The following CPLANE1 variants were observed in gnomAD, a reference collection of about 807,000 sequenced individuals.
The protein encoded by CPLANE1 is ciliogenesis and planar polarity effector 1.
A neutral mutation model predicts 362.5 loss-of-function variants in CPLANE1; 263 were observed. The observed-to-expected ratio is 0.73, with a 90% CI of 0.66 to 0.80. The LOEUF is 0.80. CPLANE1 is among the 30% of genes least tolerant of loss of function. CPLANE1 has a pLI of 0.00. For missense variants in CPLANE1, 3,461 were observed against 3,793.4 expected, an observed-to-expected ratio of 0.91 and a Z score of 2.30; for synonymous variants, 1,212 against 1,302.6, an observed-to-expected ratio of 0.93 and a Z score of 1.50.
At position 37,139,351 on chromosome 5, in the gene CPLANE1, T is replaced by C; in HGVS notation, c.8652A>G (p.Glu2884=). The C allele has an allele frequency of 7.8e-7, 1 of 1,274,016 alleles. No homozygotes were observed. Among genetic ancestry groups the C allele is most frequent in the Admixed American group, 2.5e-5 (1 of 39,498 alleles). The allele number at this position is 1,274,016 out of a possible 1,614,324, so 78.9% of individuals were successfully genotyped here. A position where few individuals can be genotyped will look rare whatever the true frequency, so the allele number is the denominator to read the frequency against. The change falls in exon 45 of 53, where the codon GAA becomes GAG. Residue 2884 remains glutamate, a synonymous_variant. Coordinates refer to ENST00000651892, the MANE Select transcript of CPLANE1 (RefSeq NM_001384732.1). The part of the protein sequence containing the change: ...TTSPGMNSSD[E]LCESVSVHPL... The stretch of plus-strand genomic sequence containing the variant: ...CTTAAGATATTTACCTCTCACACAA[T>C]TCATCACTGCTATTCATACCTAAAA...
At chr5:37,232,198 G>A (rs1797867994) in intron 8 of CPLANE1, among the ~76,000 whole-genome samples, 1 of 152,110 alleles carries the variant, frequency 6.6e-6, no homozygotes, top group Admixed American at 6.6e-5. Flanking sequence ...CAGATGTACA[G>A]GATACATATG....
At position 37,168,970 on chromosome 5, in the gene CPLANE1, A is replaced by AT; in HGVS notation, c.7053dup (p.Ser2352IlefsTer16). On this transcript the variant is annotated frameshift_variant, in exon 34 of 53. Coordinates refer to ENST00000651892, the MANE Select transcript of CPLANE1 (RefSeq NM_001384732.1). LOFTEE classifies it high-confidence loss of function. The stretch of plus-strand genomic sequence containing the variant: ...GGAAGTCCAAAGGAATGGTGAGGAG[A>AT]TATCTCAAGGGTCCCTGGCTTAACA... The AT allele has an allele frequency of 1.2e-6, 2 of 1,614,178 alleles. No homozygotes were observed. Among genetic ancestry groups the AT allele is most frequent in the Non-Finnish European group, 1.7e-6 (2 of 1,180,032 alleles).
chr5:37,157,732 T>G lies in CPLANE1; in HGVS notation c.7949A>C (p.Glu2650Ala). The G allele has an allele frequency of 6.2e-7, 1 of 1,613,980 alleles. No homozygotes were observed. Among genetic ancestry groups the G allele is most frequent in the Non-Finnish European group, 8.5e-7 (1 of 1,179,944 alleles). Reference protein sequence around the residue: ...SDHLAVPSSAELHYMAASVTN... With the variant: ...SDHLAVPSSAALHYMAASVTN... Reference sequence around the variant, plus strand: ...AACTGAAGCTGCCATATAATGTAACTCTGCAGACGATGGAACTGCTAGATG... The same window carrying G: ...AACTGAAGCTGCCATATAATGTAACGCTGCAGACGATGGAACTGCTAGATG... Residue 2650 changes from glutamate to alanine, a missense_variant, in exon 40 of 53, where the codon GAG (glutamate) becomes GCG (alanine). Around this residue, in one of 2 missense-constraint regions of CPLANE1, gnomAD observed 3,380 missense variants for 3,666.1 expected, o/e 0.92. Transcript: ENST00000651892.
At chr5:37,238,258 C>T (rs1439301088) in intron 8 of CPLANE1, among the ~76,000 whole-genome samples, 6 of 152,014 alleles carry the variant, frequency 3.9e-5, no homozygotes, top group Non-Finnish European at 8.8e-5. Flanking sequence ...TGGCAACCTC[C>T]GCCTCCTGGG....
chr5:37,158,766 C>T (rs2150732824), intron 38 of CPLANE1, among the ~76,000 whole-genome samples: 1 of 151,270 alleles, frequency 6.6e-6, no homozygotes, highest in East Asian at 1.9e-4. Flanking sequence ...TTTTTATTGA[C>T]AGCTTTATTG....
At chr5:37,133,712 T>C (rs1445440059) in intron 46 of CPLANE1, among the ~76,000 whole-genome samples, 1 of 152,204 alleles carries the variant, frequency 6.6e-6, no homozygotes, top group Admixed American at 6.5e-5. Flanking sequence ...AATCATACTG[T>C]CATAGAAAAG....
At chr5:37,135,161 C>T (rs1209441861) in intron 46 of CPLANE1, among the ~76,000 whole-genome samples, 1 of 152,142 alleles carries the variant, frequency 6.6e-6, no homozygotes, top group Non-Finnish European at 1.5e-5. Context: ...TCTTCGTTTT[C>T]ATTTATTTCA....
intron 47 of CPLANE1, among the ~76,000 whole-genome samples, chr5:37,124,131 C>A (rs746803173): frequency 6.6e-5 from 10 of 152,092 alleles, no homozygotes; most frequent in Non-Finnish European, 1.2e-4. Flanking sequence ...AACAATAGTT[C>A]ACCTACTTTT....
chr5:37,176,084 T>C, intron 30 of CPLANE1, 98 bp from the exon 31 acceptor site: 1 of 746,106 alleles, frequency 1.3e-6, no homozygotes, highest in Non-Finnish European at 2.3e-6. Context: ...AGTCTAAACA[T>C]CCTCTAATCT....
At chr5:37,087,241 A>C in the CPLANE1 span, among the ~76,000 whole-genome samples, 2 of 152,172 alleles carry the variant, frequency 1.3e-5, no homozygotes, top group African/African-American at 4.8e-5. Flanking sequence ...AACAGGTCCC[A>C]GCATCATCTT....
At chr5:37,184,087 G>C (rs1783356103) in intron 25 of CPLANE1, among the ~76,000 whole-genome samples, 1 of 152,126 alleles carries the variant, frequency 6.6e-6, no homozygotes, top group Non-Finnish European at 1.5e-5. Context: ...CAAAATTTAG[G>C]ATTTCTTGTT....
chr5:37,186,330 T>G lies in CPLANE1; in HGVS notation c.4145A>C (p.Lys1382Thr). 1 of 1,605,414 alleles carries G rather than the reference T, an allele frequency of 6.2e-7. No homozygotes were observed. Among genetic ancestry groups the G allele is most frequent in the Non-Finnish European group, 8.5e-7 (1 of 1,172,252 alleles). ...PEDVRVPLRD[K>T]YHSLHQRLRH... ...GAGTCTCTGGTGAAGAGAGTGATAT[T>G]TGTCTCTTAAAGGAACCCTCACGTC... Residue 1382 changes from lysine to threonine, a missense_variant, in exon 24 of 53, where the codon AAA becomes ACA. This residue lies in a region of CPLANE1 where 3,380 missense variants were observed against 3,666.1 expected (regional missense o/e 0.92). Coordinates refer to ENST00000651892, the MANE Select transcript of CPLANE1 (RefSeq NM_001384732.1).
intron 47 of CPLANE1, among the ~76,000 whole-genome samples, chr5:37,122,962 T>C (rs1763087423): frequency 1.3e-5 from 2 of 152,230 alleles, no homozygotes; most frequent in Admixed American, 1.3e-4. Flanking sequence ...TCAATTAATA[T>C]ATTTTATTGA....
intron 31 of CPLANE1, among the ~76,000 whole-genome samples, chr5:37,174,547 C>T (rs1269705241): frequency 6.6e-6 from 1 of 151,392 alleles, no homozygotes; most frequent in African/African-American, 2.4e-5. Flanking sequence ...AATTAAGGAT[C>T]AAAGCAAGGT....
chr5:37,232,014 G>A (rs1183780621), intron 8 of CPLANE1, among the ~76,000 whole-genome samples: 5 of 152,110 alleles, frequency 3.3e-5, no homozygotes, highest in Non-Finnish European at 5.9e-5. Flanking sequence ...AGAAAATGAA[G>A]AGGCAGGGCT....
In CPLANE1 at chr5:37,121,792, C is replaced by G; in HGVS notation, c.9018-8G>C. The G allele has an allele frequency of 6.2e-7, 1 of 1,607,750 alleles. No individual in the cohort carries two copies. Among genetic ancestry groups the G allele is most frequent in the South Asian group, 1.1e-5 (1 of 90,874 alleles). On this transcript the variant is annotated splice_polypyrimidine_tract_variant and splice_region_variant and intron_variant, in intron 48 of 52. Transcript: ENST00000651892. ...TGTTCAGAGAGCAGCAATCTGTAGA[C>G]AAAGAATTAAGCATCATTTATTAAG...
chr5:37,227,572 G>A lies in CPLANE1; in HGVS notation c.1367C>T (p.Ser456Phe). The change falls in exon 10 of 53, where the codon TCT (serine) becomes TTT (phenylalanine). Residue 456 changes from serine to phenylalanine, a missense_variant. Physicochemically the swap from Ser to Phe is radical, Grantham distance 155. Around this residue, in one of 2 missense-constraint regions of CPLANE1, gnomAD observed 3,380 missense variants for 3,666.1 expected, o/e 0.92. Coordinates refer to ENST00000651892, the MANE Select transcript of CPLANE1 (RefSeq NM_001384732.1). ...LEKIYQSVIL[S>F]KPKGKGLNLR... ...TGATATAAAAAAGCACTATACCTTA[G>A]ACAATATCACACTTTGATATATTTT... 2 of 1,549,238 alleles carry A rather than the reference G, an allele frequency of 1.3e-6. No homozygotes were observed. Among genetic ancestry groups the A allele is most frequent in the African/African-American group, 1.4e-5 (1 of 73,038 alleles).
At chr5:37,134,851 T>TA (rs1468523293) in intron 46 of CPLANE1, among the ~76,000 whole-genome samples, 5 of 150,912 alleles carry the variant, frequency 3.3e-5, no homozygotes, top group Non-Finnish European at 1.5e-5. Context: ...TGGAGTGCAA[T>TA]GGCATGATCT....
chr5:37,212,102 A>G, intron 16 of CPLANE1: 1 of 921,358 alleles, frequency 1.1e-6, no homozygotes, highest in Non-Finnish European at 1.8e-6. Context: ...GAAGAGAACT[A>G]GAAAAACTGT....
Sources: gnomAD v4.1 joint callset for allele counts (sites outside exome capture counted in the v4.1 genomes callset) on GRCh38, gnomAD v4.1.1 for gene constraint, gnomAD v4.1.1 regional missense constraint, MANE v1.5 for transcripts, NCBI Gene and HGNC (gene_info 2026-07-23, HGNC 2026-07-21) for gene names.